CACNA2D3: variants seen among roughly 807,000 people sequenced by gnomAD.
CACNA2D3 encodes voltage-dependent calcium channel subunit alpha-2/delta-3.
In CACNA2D3, 60 loss-of-function variants were observed where a neutral mutation model predicts 160.6. The ratio of observed to expected loss-of-function variants is 0.37; its 90% CI spans 0.30 to 0.46. The LOEUF (loss-of-function observed/expected upper bound fraction) is 0.46, where lower values mean the gene tolerates loss of function less well. CACNA2D3 is among the 20% of genes least tolerant of loss of function. CACNA2D3 has a pLI of 1.00. For synonymous variants in CACNA2D3, 558 were observed against 492.9 expected, an observed-to-expected ratio of 1.13 and a Z score of -1.75; for missense variants, 1,205 against 1,365.0, an observed-to-expected ratio of 0.88 and a Z score of 1.85.
At chr3:54,802,010 GT>G (rs1472288496) in intron 13 of CACNA2D3, among the ~76,000 whole-genome samples, 2 of 152,202 alleles carry the variant, frequency 1.3e-5, no homozygotes, top group African/African-American at 4.8e-5. Context: ...GACATGACTA[GT>G]TTTAAAGTAG....
intron 2 of CACNA2D3, among the ~76,000 whole-genome samples, chr3:54,168,962 C>T (rs1172976919): frequency 1.3e-5 from 2 of 152,148 alleles, no homozygotes; most frequent in Non-Finnish European, 2.9e-5. Flanking sequence ...GCCATTTTAT[C>T]TTTCTTGGTT....
chr3:54,424,653 G>T (rs780045571), intron 4 of CACNA2D3, among the ~76,000 whole-genome samples: 5 of 152,140 alleles, frequency 3.3e-5, no homozygotes, highest in Non-Finnish European at 7.3e-5. Context: ...TGTACTCTGG[G>T]GATGGAGCAA....
chr3:54,714,345 A>G (rs530524887), intron 11 of CACNA2D3, among the ~76,000 whole-genome samples: 1 of 152,286 alleles, frequency 6.6e-6, no homozygotes, highest in African/African-American at 2.4e-5. Context: ...AGCACGTTGT[A>G]CCTCTGGGAT....
At chr3:54,898,166 CTTT>C (rs1553910521) in intron 26 of CACNA2D3, among the ~76,000 whole-genome samples, 56 of 9,418 alleles carry the variant, frequency 5.9e-3, no homozygotes, top group African/African-American at 0.057. Flanking sequence ...CTTTATCTTT[CTTT>C]TCTTTTCTTT....
Position 54,466,716 on chromosome 3 carries a change from A to G in CACNA2D3, c.382-36776A>G, listed in dbSNP as rs115309786. Among the ~76,000 whole-genome samples, 608 of 152,314 alleles carry G rather than the reference A, an allele frequency of 4.0e-3. 5 individuals carry two copies. Among genetic ancestry groups the G allele is most frequent in the African/African-American group, 0.014 (579 of 41,562 alleles). Reference sequence around the variant, plus strand: ...ATAGTTGTAAAAAGTGACCAATCTCATTATAATGTTGTGATTTCTAGGCTG... The same window carrying G: ...ATAGTTGTAAAAAGTGACCAATCTCGTTATAATGTTGTGATTTCTAGGCTG... On this transcript the variant is annotated intron_variant, in intron 4 of 37. Coordinates refer to ENST00000474759, the MANE Select transcript of CACNA2D3 (RefSeq NM_018398.3).
At chr3:54,800,780 GA>G (rs1337744032) in intron 13 of CACNA2D3, among the ~76,000 whole-genome samples, 1 of 152,126 alleles carries the variant, frequency 6.6e-6, no homozygotes, top group African/African-American at 2.4e-5. Flanking sequence ...AATTAAGTTT[GA>G]AAATATGACC....
intron 2 of CACNA2D3, among the ~76,000 whole-genome samples, chr3:54,296,883 T>G (rs1703353413): frequency 6.6e-6 from 1 of 152,194 alleles, no homozygotes; most frequent in Admixed American, 6.5e-5. Context: ...GTGGACACCC[T>G]GATGTTCAAG....
intron 11 of CACNA2D3, among the ~76,000 whole-genome samples, chr3:54,717,831 GTGTGCGTGAGTGTGTGTGTGGTGTA>G (rs1365269554): frequency 3.5e-5 from 5 of 144,904 alleles, no homozygotes; most frequent in African/African-American, 7.7e-5. Flanking sequence ...TGTGTGGTGT[GTGTGCGTGAGTGTGTGTGTGGTGTA>G]TGTGCGTGCG....
chr3:54,559,936 T>C (rs143904577), intron 5 of CACNA2D3, among the ~76,000 whole-genome samples: 30 of 152,348 alleles, frequency 2.0e-4, no homozygotes, highest in Middle Eastern at 6.8e-3. Context: ...TGTTCTTTTT[T>C]ATGGCTGCAT....
chr3:54,595,762 G>T (rs1378231779), intron 9 of CACNA2D3, among the ~76,000 whole-genome samples: 3 of 152,048 alleles, frequency 2.0e-5, no homozygotes, highest in Admixed American at 1.3e-4. Flanking sequence ...CAATAATAAA[G>T]AGCACTAAAA....
rs1195347420 is a variant in CACNA2D3, at chr3:54,642,184, T to C, written c.1110T>C (p.Asp370=). Residue 370 remains aspartate (D), a synonymous_variant, in exon 11 of 38, where the codon GAT becomes GAC. Transcript: ENST00000474759. ...GTCAGGCCATCATGCTCATAACTGA[T>C]GGGGCGGTGGACACCTATGATACAA... ...ICSQAIMLIT[D]GAVDTYDTIF... The C allele has an allele frequency of 6.2e-7, 1 of 1,613,286 alleles. No individual in the cohort carries two copies.
intron 13 of CACNA2D3, among the ~76,000 whole-genome samples, chr3:54,797,489 A>G (rs188632432): frequency 1.5e-3 from 224 of 152,308 alleles, no homozygotes; most frequent in African/African-American, 5.2e-3. Context: ...ATTCAGCCAT[A>G]AAAATCTGAG....
intron 27 of CACNA2D3, chr3:54,925,148 A>G (rs1415214793): frequency 6.2e-7 from 1 of 1,613,980 alleles, no homozygotes; most frequent in African/African-American, 1.3e-5. Context: ...ACTGACAGTA[A>G]CACTTGTCCG....
intron 4 of CACNA2D3, among the ~76,000 whole-genome samples, chr3:54,470,394 C>A (rs1700708261): frequency 6.6e-6 from 1 of 152,154 alleles, no homozygotes; most frequent in African/African-American, 2.4e-5. Flanking sequence ...GAGATTTTGT[C>A]ATCACCAGGC....
chr3:54,696,302 C>A (rs1246559273), intron 11 of CACNA2D3, among the ~76,000 whole-genome samples: 2 of 152,184 alleles, frequency 1.3e-5, no homozygotes, highest in East Asian at 1.9e-4. Flanking sequence ...AAGGTCCCCC[C>A]ATTCCAGCAG....
chr3:54,345,802 A>C (rs1255747146), intron 3 of CACNA2D3, among the ~76,000 whole-genome samples: 1 of 151,640 alleles, frequency 6.6e-6, no homozygotes, highest in African/African-American at 2.4e-5. Context: ...CTTAGATAGG[A>C]CATGATTAGT....
intron 11 of CACNA2D3, among the ~76,000 whole-genome samples, chr3:54,660,067 G>C (rs561195459): frequency 6.6e-6 from 1 of 151,938 alleles, no homozygotes; most frequent in Admixed American, 6.5e-5. Flanking sequence ...AAACCTGACC[G>C]TGAGCCTTGC....
At chr3:54,537,929 C>G (rs1390113756) in intron 5 of CACNA2D3, among the ~76,000 whole-genome samples, 1 of 152,148 alleles carries the variant, frequency 6.6e-6, no homozygotes, top group African/African-American at 2.4e-5. Context: ...ATCCTCCATG[C>G]AGAAATCTGA....
chr3:54,758,648 A>G (rs1046353126), intron 12 of CACNA2D3, among the ~76,000 whole-genome samples: 1 of 152,218 alleles, frequency 6.6e-6, no homozygotes, highest in African/African-American at 2.4e-5. Context: ...AGCGTCTTCC[A>G]AGAACACCAT....
Sources: allele counts gnomAD v4.1 joint callset (sites outside exome capture counted in the v4.1 genomes callset), GRCh38; gene constraint gnomAD v4.1.1; transcripts MANE v1.5; gene names NCBI Gene and HGNC (gene_info 2026-07-23, HGNC 2026-07-21).